Variants in HMCN1 observed in about 807,000 individuals in gnomAD.
HMCN1 encodes hemicentin-1.
HMCN1 carries 321 observed loss-of-function variants against 625.9 expected under a neutral mutation model. That is an observed-to-expected ratio of 0.51 (90% CI 0.47 to 0.56). The LOEUF is 0.56. Among genes scored for constraint, HMCN1 ranks in the 20% least tolerant of loss-of-function variants. The probability of loss-of-function intolerance (pLI) is 0.00; values close to 1 mark genes in which losing one functional copy is unlikely to be tolerated. For synonymous variants in HMCN1, 2,425 were observed against 2,417.6 expected, an observed-to-expected ratio of 1.00 and a Z score of -0.09; for missense variants, 6,588 against 6,887.3, an observed-to-expected ratio of 0.96 and a Z score of 1.54.
chr1:185,996,268 C>A (rs964486739), intron 24 of HMCN1, among the ~76,000 whole-genome samples: 2 of 152,068 alleles, frequency 1.3e-5, no homozygotes, highest in African/African-American at 4.8e-5. Context: ...AAGTGAGGGG[C>A]AGCCCTTCCA....
At chr1:186,063,519 C>G (rs935791791) in intron 48 of HMCN1, among the ~76,000 whole-genome samples, 1 of 148,248 alleles carries the variant, frequency 6.7e-6, no homozygotes. Context: ...GGAAGGGAGT[C>G]TTTTCCTTCA....
At chr1:185,815,423 A>T in intron 1 of HMCN1, among the ~76,000 whole-genome samples, 1 of 150,128 alleles carries the variant, frequency 6.7e-6, no homozygotes, top group East Asian at 1.9e-4. Flanking sequence ...ATCACTTAGG[A>T]TTCTTATAAG....
At chr1:185,821,081 A>T (rs1265267127) in intron 1 of HMCN1, among the ~76,000 whole-genome samples, 2 of 151,862 alleles carry the variant, frequency 1.3e-5, no homozygotes, top group East Asian at 3.9e-4. Flanking sequence ...AAGTCACAGG[A>T]TGTACTATTG....
intron 36 of HMCN1, among the ~76,000 whole-genome samples, chr1:186,036,303 G>A (rs1655817988): frequency 6.6e-6 from 1 of 152,104 alleles, no homozygotes; most frequent in Admixed American, 6.6e-5. Context: ...AGAAAAGAAA[G>A]AGGTTTAATG....
At chr1:186,118,609 A>G (rs888765038) in intron 77 of HMCN1, among the ~76,000 whole-genome samples, 4 of 152,260 alleles carry the variant, frequency 2.6e-5, no homozygotes, top group African/African-American at 4.8e-5. Context: ...TCAAATGTCC[A>G]TCAGCTGATA....
intron 1 of HMCN1, among the ~76,000 whole-genome samples, chr1:185,838,261 G>T (rs1661287467): frequency 6.6e-6 from 1 of 152,096 alleles, no homozygotes; most frequent in Non-Finnish European, 1.5e-5. Flanking sequence ...TTGACAGACA[G>T]GCGACCCCCA....
chr1:185,876,005 T>C (rs1404612324), intron 4 of HMCN1, among the ~76,000 whole-genome samples: 1 of 152,078 alleles, frequency 6.6e-6, no homozygotes, highest in Non-Finnish European at 1.5e-5. Context: ...GTTTCTAGTG[T>C]ACCTAACACC....
chr1:185,734,596 C>A lies in HMCN1; in HGVS notation c.-184C>A. 1.6e-6 allele frequency: 1 copy of A among 643,238 alleles called. No individual in the cohort carries two copies. Among genetic ancestry groups the A allele is most frequent in the South Asian group, 1.8e-5 (1 of 55,330 alleles). 39.8% of individuals were successfully genotyped at this position (643,238 alleles called of 1,614,324 possible). The stretch of plus-strand genomic sequence containing the variant: ...GCTGCCGCATCCCTGCCCTGCCCAA[C>A]CCCTGGAGGGATTCGAGTTTGGTGC... On this transcript the variant is annotated 5_prime_UTR_variant, in exon 1 of 107. Coordinates refer to ENST00000271588, the MANE Select transcript of HMCN1 (RefSeq NM_031935.3).
chr1:186,150,512 G>A (rs1409547544), intron 93 of HMCN1, among the ~76,000 whole-genome samples: 1 of 152,052 alleles, frequency 6.6e-6, no homozygotes, highest in Non-Finnish European at 1.5e-5. Flanking sequence ...CTCAAGTTAA[G>A]CATCTTTCAG....
intron 6 of HMCN1, among the ~76,000 whole-genome samples, chr1:185,916,918 G>A (rs1666734259): frequency 6.6e-6 from 1 of 152,086 alleles, no homozygotes; most frequent in Non-Finnish European, 1.5e-5. Context: ...AAACCTGGAG[G>A]ATGTGGCATT....
Position 186,070,722 on chromosome 1 carries a change from C to T in HMCN1, c.8104C>T (p.Pro2702Ser). The change falls in exon 52 of 107, where the codon CCT becomes TCT. Residue 2702 changes from proline (P) to serine (S), a missense_variant. Physicochemically the swap from Pro to Ser is moderately conservative, Grantham distance 74. Transcript: ENST00000271588. ...LTLECEAYAI[P>S]SASLSWYKDG... Reference sequence around the variant, plus strand: ...CTTGGAATGTGAAGCGTATGCAATTCCTTCTGCCTCCCTCAGCTGGTACAA... The same window carrying T: ...CTTGGAATGTGAAGCGTATGCAATTTCTTCTGCCTCCCTCAGCTGGTACAA... The T allele has an allele frequency of 6.2e-7, 1 of 1,613,870 alleles. No homozygotes were observed. Among genetic ancestry groups the T allele is most frequent in the Non-Finnish European group, 8.5e-7 (1 of 1,179,838 alleles).
At chr1:185,960,357 G>A (rs553045348) in intron 11 of HMCN1, among the ~76,000 whole-genome samples, 1 of 151,910 alleles carries the variant, frequency 6.6e-6, no homozygotes, top group African/African-American at 2.4e-5. Context: ...TCAAACTCCC[G>A]ACCTCAGTTG....
intron 81 of HMCN1, 83 bp from the exon 82 acceptor site, chr1:186,125,521 T>A: frequency 9.2e-7 from 1 of 1,081,934 alleles, no homozygotes; most frequent in East Asian, 2.4e-5. Flanking sequence ...CTGAAAAGAG[T>A]TTTTTATGTG....
At chr1:185,883,025 G>A (rs948516265) in intron 4 of HMCN1, among the ~76,000 whole-genome samples, 1 of 151,996 alleles carries the variant, frequency 6.6e-6, no homozygotes, top group Non-Finnish European at 1.5e-5. Context: ...GGGAGGACAA[G>A]GGTTTTGCTT....
In HMCN1 at chr1:186,037,927, C is replaced by A; in HGVS notation, c.5750-7C>A. ...AAGAAATAATTATCTGTTTGGGCCT[C>A]TTGTAGAACCACCTAGTCTGGAAGA... On this transcript the variant is annotated splice_region_variant and splice_polypyrimidine_tract_variant and intron_variant, in intron 36 of 106. Coordinates refer to ENST00000271588, the MANE Select transcript of HMCN1 (RefSeq NM_031935.3). The A allele has an allele frequency of 6.4e-7, 1 of 1,559,520 alleles. No homozygotes were observed. The highest frequency in any genetic ancestry group is 8.8e-7 in the Non-Finnish European group (1 of 1,130,464).
In HMCN1 at chr1:186,162,531, C is replaced by CGA. The variant is rs1651571220; in HGVS notation, c.15257-2580_15257-2579insGA. On this transcript the variant is annotated intron_variant, in intron 97 of 106. Transcript: ENST00000271588. The stretch of plus-strand genomic sequence containing the variant: ...CAGTTTTTCTGCTCTGTTTTTTCCC[C>CGA]ATCTTTGTGGTTTTTTCTACTTTTG... Among the ~76,000 whole-genome samples the CGA allele has an allele frequency of 7.9e-5, 12 of 152,198 alleles. No homozygotes were observed. The South Asian group carries it at 2.1e-3, about 26-fold the overall frequency.
chr1:186,076,287 A>T, intron 53 of HMCN1, 141 bp from the exon 54 acceptor site: 1 of 834,812 alleles, frequency 1.2e-6, no homozygotes, highest in Non-Finnish European at 1.9e-6. Context: ...TAAGGGCTAG[A>T]GTTGGTGGTG....
chr1:185,919,091 A>G (rs375777935), intron 6 of HMCN1, among the ~76,000 whole-genome samples: 5 of 150,214 alleles, frequency 3.3e-5, no homozygotes. Flanking sequence ...ATATATATAT[A>G]ATTTTATTAC....
intron 11 of HMCN1, among the ~76,000 whole-genome samples, chr1:185,948,862 G>A (rs1434064359): frequency 3.3e-5 from 5 of 151,808 alleles, no homozygotes; most frequent in Admixed American, 3.3e-4. Flanking sequence ...GCGGGATTAG[G>A]GGCGGCGTGG....
Sources: allele counts gnomAD v4.1 joint callset (sites outside exome capture counted in the v4.1 genomes callset), GRCh38; gene constraint gnomAD v4.1.1; transcripts MANE v1.5; gene names NCBI Gene and HGNC (gene_info 2026-07-23, HGNC 2026-07-21).